The following BCL2 variants were observed in gnomAD, a reference collection of about 807,000 sequenced individuals.
BCL2 encodes the protein apoptosis regulator Bcl-2.
In BCL2, 1 loss-of-function variant was observed where a neutral mutation model predicts 14.2. The observed-to-expected ratio is 0.07, with a 90% confidence interval of 0.02 to 0.33. The LOEUF (loss-of-function observed/expected upper bound fraction) is 0.33. BCL2 is among the 10% of genes least tolerant of loss of function. The pLI is 0.99. For synonymous variants in BCL2, 151 were observed against 137.2 expected, an observed-to-expected ratio of 1.10 and a Z score of -0.70; for missense variants, 247 against 305.9, an observed-to-expected ratio of 0.81 and a Z score of 1.44.
intron 2 of BCL2, among the ~76,000 whole-genome samples, chr18:63,276,117 G>A (rs1372435704): frequency 6.6e-6 from 1 of 152,222 alleles, no homozygotes; most frequent in Non-Finnish European, 1.5e-5. Context: ...GGGGTAGAAA[G>A]ACAGACTTCT....
In BCL2 at chr18:63,144,253, A is replaced by G. The variant is rs562037857; in HGVS notation, c.586-15494T>C. Among the ~76,000 whole-genome samples, 24 of 152,314 alleles carry G rather than the reference A, an allele frequency of 1.6e-4. 1 individual carries two copies. The South Asian group carries it at 2.1e-3, about 13-fold the overall frequency. On this transcript the variant is annotated intron_variant, in intron 2 of 2. Coordinates refer to ENST00000333681, the MANE Select transcript of BCL2 (RefSeq NM_000633.3). ...AATCCAACCATAGGCAAACCACTTT[A>G]AAAAGTATTTATTTAGCATCTACTT...
At chr18:63,244,826 C>T (rs545536190) in intron 2 of BCL2, among the ~76,000 whole-genome samples, 2 of 152,156 alleles carry the variant, frequency 1.3e-5, no homozygotes, top group Admixed American at 1.3e-4. Flanking sequence ...CTTTTTTAAG[C>T]GTTACAAGAT....
intron 2 of BCL2, among the ~76,000 whole-genome samples, chr18:63,158,722 A>G (rs1914845169): frequency 6.6e-6 from 1 of 152,208 alleles, no homozygotes; most frequent in Admixed American, 6.5e-5. Context: ...ATCATATATA[A>G]TGACACACAA....
intron 2 of BCL2, among the ~76,000 whole-genome samples, chr18:63,166,410 T>C (rs752990742): frequency 1.5e-4 from 23 of 152,128 alleles, no homozygotes; most frequent in Admixed American, 3.9e-4. Context: ...ACAGCACGCA[T>C]ATCCTGACTG....
At chr18:63,133,176 C>G (rs1914115543) in intron 2 of BCL2, among the ~76,000 whole-genome samples, 1 of 152,158 alleles carries the variant, frequency 6.6e-6, no homozygotes, top group Non-Finnish European at 1.5e-5. Context: ...GGAACCAGGC[C>G]AGGTAGGTGT....
chr18:63,198,505 CACACAGACACACATAG>C lies in BCL2; in HGVS notation c.586-69762_586-69747del, dbSNP rs1292305408. Among the ~76,000 whole-genome samples the C allele has an allele frequency of 1.3e-3, 176 of 135,502 alleles. 1 individual carries two copies. Among genetic ancestry groups the C allele is most frequent in the African/African-American group, 4.4e-3 (167 of 38,188 alleles). The allele number at this position is 135,502 out of a possible 152,430, so 88.9% of individuals were successfully genotyped here. A position where few individuals can be genotyped will look rare whatever the true frequency, so the allele number is the denominator to read the frequency against. ...AGAGACACACACAGACACACATTGA[CACACAGACACACATAG>C]ACACAGACACACATTGACACACAGA... On this transcript the variant is annotated intron_variant, in intron 2 of 2. Transcript: ENST00000333681.
At chr18:63,299,025 T>C (rs1385178242) in intron 2 of BCL2, among the ~76,000 whole-genome samples, 2 of 152,158 alleles carry the variant, frequency 1.3e-5, no homozygotes, top group Admixed American at 1.3e-4. Context: ...GGTCCCCCTC[T>C]GCAAGCCTCA....
At chr18:63,283,551 G>A (rs892264350) in intron 2 of BCL2, among the ~76,000 whole-genome samples, 6 of 152,078 alleles carry the variant, frequency 3.9e-5, no homozygotes, top group African/African-American at 1.2e-4. Context: ...CTGTATCTGC[G>A]CTTCTTCTTT....
At chr18:63,192,422 T>G (rs1325692550) in intron 2 of BCL2, among the ~76,000 whole-genome samples, 4 of 152,102 alleles carry the variant, frequency 2.6e-5, no homozygotes, top group Admixed American at 2.0e-4. Flanking sequence ...GTGTAAGATT[T>G]TGGAAATCAG....
chr18:63,206,281 A>G lies in BCL2; in HGVS notation c.586-77522T>C, dbSNP rs1243741831. Reference sequence around the variant, plus strand: ...GCAGACGATAAGCACCGTGGCCAATACCCAAGCGTTAGATAATTAAAGGTC... The same window carrying G: ...GCAGACGATAAGCACCGTGGCCAATGCCCAAGCGTTAGATAATTAAAGGTC... On this transcript the variant is annotated intron_variant, in intron 2 of 2. Coordinates refer to ENST00000333681, the MANE Select transcript of BCL2 (RefSeq NM_000633.3). 5.3e-5 allele frequency among the ~76,000 whole-genome samples: 8 copies of G among 152,290 alleles called. No individual in the cohort carries two copies. In the South Asian group the frequency reaches 1.0e-3, roughly 20 times the overall value.
intron 2 of BCL2, among the ~76,000 whole-genome samples, chr18:63,226,611 T>G (rs908521724): frequency 6.6e-6 from 1 of 152,150 alleles, no homozygotes; most frequent in African/African-American, 2.4e-5. Flanking sequence ...AAAAACAAGT[T>G]GTGAAAAAAT....
chr18:63,302,490 A>G, intron 2 of BCL2: 1 of 985,372 alleles, frequency 1.0e-6, no homozygotes, highest in Non-Finnish European at 1.2e-6. Context: ...TCCTTATGAA[A>G]TACCACGAAG....
chr18:63,192,184 C>T (rs1221633469), intron 2 of BCL2, among the ~76,000 whole-genome samples: 1 of 152,152 alleles, frequency 6.6e-6, no homozygotes, highest in Non-Finnish European at 1.5e-5. Context: ...CCAGGGGAGC[C>T]TCTCAAAGGA....
chr18:63,156,255 T>C (rs1278490427), intron 2 of BCL2, among the ~76,000 whole-genome samples: 2 of 152,140 alleles, frequency 1.3e-5, no homozygotes, highest in Non-Finnish European at 2.9e-5. Flanking sequence ...CAAATAACTT[T>C]TCCCGTTTGT....
intron 2 of BCL2, among the ~76,000 whole-genome samples, chr18:63,209,508 G>A (rs1005004534): frequency 6.6e-6 from 1 of 152,182 alleles, no homozygotes; most frequent in African/African-American, 2.4e-5. Flanking sequence ...AACTGGCAAT[G>A]CTAGGGAGAA....
intron 2 of BCL2, among the ~76,000 whole-genome samples, chr18:63,289,218 A>T (rs1264951621): frequency 6.6e-6 from 1 of 152,174 alleles, no homozygotes; most frequent in African/African-American, 2.4e-5. Flanking sequence ...TATAGCAAAC[A>T]TTTGTATATC....
intron 2 of BCL2, among the ~76,000 whole-genome samples, chr18:63,275,453 G>A (rs755796192): frequency 2.0e-5 from 3 of 152,084 alleles, no homozygotes; most frequent in Non-Finnish European, 4.4e-5. Context: ...ACCTCTCAGT[G>A]GCCAAAGGAT....
At position 63,318,031 on chromosome 18, in the gene BCL2, C is replaced by A; in HGVS notation, c.585+51G>T. 1 of 1,589,454 alleles carries A rather than the reference C, an allele frequency of 6.3e-7. No individual in the cohort carries two copies. The highest frequency in any genetic ancestry group is 1.7e-5 in the Admixed American group (1 of 58,324). ...GAGCCCACCCGCACTCCAACCCCCG[C>A]ATCTCGGACCTGTGGCCTCAGCCCA... On this transcript the variant is annotated intron_variant, in intron 2 of 2. Coordinates refer to ENST00000333681, the MANE Select transcript of BCL2 (RefSeq NM_000633.3). The surrounding 1 kb of genome is among the most constrained non-coding windows in gnomAD (Gnocchi z 7.4).
intron 2 of BCL2, among the ~76,000 whole-genome samples, chr18:63,188,447 A>G (rs962522093): frequency 2.0e-5 from 3 of 152,250 alleles, no homozygotes; most frequent in African/African-American, 7.2e-5. Flanking sequence ...TAGTGCCATC[A>G]TCATTATCTT....
Sources: gnomAD v4.1 joint callset for allele counts (sites outside exome capture counted in the v4.1 genomes callset) on GRCh38, gnomAD v4.1.1 for gene constraint, Gnocchi (gnomAD v3.1) non-coding constraint, MANE v1.5 for transcripts, NCBI Gene and HGNC (gene_info 2026-07-23, HGNC 2026-07-21) for gene names.